The following ESYT3 variants were observed in gnomAD, a reference collection of about 807,000 sequenced individuals.
ESYT3 encodes extended synaptotagmin 3, also known as extended synaptotagmin-3.
ESYT3 carries 101 observed loss-of-function variants against 111.5 expected under a neutral mutation model. The observed-to-expected ratio is 0.91, with a 90% confidence interval of 0.77 to 1.07. ESYT3 has a LOEUF of 1.07. Ranked by LOEUF, ESYT3 falls within the 50% of genes least tolerant of loss-of-function variation. ESYT3 has a pLI of 0.00. For missense variants in ESYT3, 1,097 were observed against 1,109.4 expected (o/e 0.99, Z 0.16); for synonymous variants, 416 against 446.8 (o/e 0.93, Z 0.87).
chr3:138,461,018 G>A (rs532717298), intron 7 of ESYT3, among the ~76,000 whole-genome samples: 12 of 152,190 alleles, frequency 7.9e-5, no homozygotes, highest in Non-Finnish European at 1.5e-4. Flanking sequence ...AGGCTGTGTG[G>A]CTCTGGAACC....
intron 3 of ESYT3, 106 bp downstream of exon 3, chr3:138,455,434 A>G (rs1167304927): frequency 1.5e-6 from 2 of 1,304,250 alleles, no homozygotes; most frequent in Non-Finnish European, 2.1e-6. Context: ...GACTGCAGAG[A>G]TCCCACTGGA....
chr3:138,481,146 A>C (rs2108637448), downstream of ESYT3: 1 of 152,364 alleles, frequency 6.6e-6, no homozygotes, highest in Middle Eastern at 3.4e-3. Flanking sequence ...TAGGAGAATA[A>C]TTTCACAACT....
chr3:138,442,639 C>T (rs770795781), intron 1 of ESYT3, among the ~76,000 whole-genome samples: 60 of 152,188 alleles, frequency 3.9e-4, no homozygotes, highest in Admixed American at 2.9e-3. Flanking sequence ...TTGTAACTTA[C>T]GTATTTTTAT....
intron 1 of ESYT3, among the ~76,000 whole-genome samples, chr3:138,436,004 G>A (rs1031132085): frequency 2.0e-5 from 3 of 152,118 alleles, no homozygotes; most frequent in Non-Finnish European, 4.4e-5. Flanking sequence ...TCAGGCCCAC[G>A]GGGGAGGTCG....
intron 11 of ESYT3, 29 bp downstream of exon 11, chr3:138,467,638 G>T (rs1032540925): frequency 6.2e-7 from 1 of 1,611,732 alleles, no homozygotes. Flanking sequence ...ACCCTCGGGG[G>T]AGTTTCAAGG....
At chr3:138,466,331 GAAACA>G (rs1407738512) in intron 10 of ESYT3, among the ~76,000 whole-genome samples, 1 of 152,160 alleles carries the variant, frequency 6.6e-6, no homozygotes, top group Non-Finnish European at 1.5e-5. Context: ...TTGAAAAGTA[GAAACA>G]AAACAAACTG....
rs369600772 is a variant in ESYT3, at chr3:138,472,613, C to T, written c.1991C>T (p.Pro664Leu). 6.2e-7 allele frequency: 1 copy of T among 1,614,218 alleles called. No individual in the cohort carries two copies. The highest frequency in any genetic ancestry group is 8.5e-7 in the Non-Finnish European group (1 of 1,180,036). ...GAGCCCACATCCCAAGAGACAGGCCCAGAGCCTAAAGGCAAGGACAGTGCC... is the reference window on the plus strand; with the variant it reads ...GAGCCCACATCCCAAGAGACAGGCCTAGAGCCTAAAGGCAAGGACAGTGCC... ...ATEPTSQETG[P>L]EPKGKDSAKR... Residue 664 changes from proline to leucine, a missense_variant, in exon 18 of 23, where the codon CCA becomes CTA. Transcript: ENST00000389567.
chr3:138,476,488 C>T lies in ESYT3; in HGVS notation c.2620C>T (p.Gln874Ter). Residue 874 changes from glutamine (Q) to a stop codon, truncating the protein, a stop_gained, in exon 22 of 23, where the codon CAA becomes TAA. Transcript: ENST00000389567. LOFTEE classifies it high-confidence loss of function. ...AGAAGATCTGATTAAGGGCTTTTCA[C>T]AATGGTAAGTGTGCCCTTTCATTTT... ...SKEDLIKGFS[Q>*]WYELTPNGQP... The T allele has an allele frequency of 6.2e-7, 1 of 1,613,380 alleles. No individual in the cohort carries two copies. The highest frequency in any genetic ancestry group is 8.5e-7 in the Non-Finnish European group (1 of 1,179,884).
At chr3:138,469,853 G>A (rs186508194) in intron 15 of ESYT3, among the ~76,000 whole-genome samples, 353 of 152,170 alleles carry the variant, frequency 2.3e-3, no homozygotes, top group Admixed American at 4.1e-3. Context: ...CAGCTCCCCC[G>A]TAAAAATTCC....
intron 22 of ESYT3, 99 bp from the exon 23 acceptor site, chr3:138,476,719 G>A (rs2033500825): frequency 7.9e-7 from 1 of 1,263,394 alleles, no homozygotes. Context: ...GGTTCTGCTG[G>A]TCTTACAGAG....
At position 138,475,914 on chromosome 3, in the gene ESYT3, A is replaced by C. The variant is rs138868736; in HGVS notation, c.2469-309A>C. Among the ~76,000 whole-genome samples the C allele has an allele frequency of 7.5e-3, 1,136 of 152,334 alleles. 18 individuals carry two copies. Among genetic ancestry groups the C allele is most frequent in the African/African-American group, 0.027 (1,104 of 41,580 alleles). ...GCACTCCAGCCTGGGCGACAGAGCGAAACTCCGTCTCAAAAAGAAGAGTGG... is the reference window on the plus strand; with the variant it reads ...GCACTCCAGCCTGGGCGACAGAGCGCAACTCCGTCTCAAAAAGAAGAGTGG... On this transcript the variant is annotated intron_variant, in intron 20 of 22. Coordinates refer to ENST00000389567, the MANE Select transcript of ESYT3 (RefSeq NM_031913.5).
In ESYT3 at chr3:138,476,798, C is replaced by T. The variant is rs200296920; in HGVS notation, c.2625-20C>T. The T allele has an allele frequency of 6.1e-5, 99 of 1,613,022 alleles. 1 individual carries two copies. In the African/African-American group the frequency reaches 1.2e-3, roughly 20 times the overall value. On this transcript the variant is annotated intron_variant, in intron 22 of 22. Coordinates refer to ENST00000389567, the MANE Select transcript of ESYT3 (RefSeq NM_031913.5). Reference sequence around the variant, plus strand: ...ACACTGTCATTACTAACGTTAAGTCCAAACGTAACTGTCTTACAGGTATGA... The same window carrying T: ...ACACTGTCATTACTAACGTTAAGTCTAAACGTAACTGTCTTACAGGTATGA...
rs1330686757 is a variant in ESYT3, at chr3:138,479,503, C to G, written c.*2649C>G. The G allele has an allele frequency of 6.6e-6, 1 of 152,230 alleles. No individual in the cohort carries two copies. Among genetic ancestry groups the G allele is most frequent in the Non-Finnish European group, 1.5e-5 (1 of 68,046 alleles). The allele number at this position is 152,230 out of a possible 1,614,324, so 9.4% of individuals were successfully genotyped here. A position where few individuals can be genotyped will look rare whatever the true frequency, so the allele number is the denominator to read the frequency against. On this transcript the variant is annotated 3_prime_UTR_variant, in exon 23 of 23. Transcript: ENST00000389567. ...ACGTCTGTCTCCTTTGCTGCTTTCC[C>G]GGCAGGCTGATGTTTGGCTTTGCCA...
At chr3:138,439,344 G>A (rs2030968562) in intron 1 of ESYT3, among the ~76,000 whole-genome samples, 1 of 152,140 alleles carries the variant, frequency 6.6e-6, no homozygotes, top group Non-Finnish European at 1.5e-5. Context: ...GACGCGCAGA[G>A]CACTTCTGTG....
chr3:138,473,883 G>T (rs984022865), intron 19 of ESYT3, among the ~76,000 whole-genome samples: 2 of 152,202 alleles, frequency 1.3e-5, no homozygotes, highest in African/African-American at 4.8e-5. Context: ...CTGCAAGACT[G>T]TCTGGAGTGG....
At chr3:138,476,736 G>T in intron 22 of ESYT3, 82 bp from the exon 23 acceptor site, 1 of 1,378,060 alleles carries the variant, frequency 7.3e-7, no homozygotes, top group African/African-American at 1.4e-5. Flanking sequence ...AGAGGCCCAG[G>T]CAGGCAGGAC....
chr3:138,440,334 G>A lies in ESYT3; in HGVS notation c.327+5209G>A, dbSNP rs547749266. Among the ~76,000 whole-genome samples, 1 of 152,386 alleles carries A rather than the reference G, an allele frequency of 6.6e-6. No homozygotes were observed. The highest frequency in any genetic ancestry group is 6.5e-5 in the Admixed American group (1 of 15,304). ...CCACTCAGGCAGACAGCCAAGGGCT[G>A]AGTGCTTTGCTTACCTAGTGCTGAG... On this transcript the variant is annotated intron_variant, in intron 1 of 22. Transcript: ENST00000389567. The surrounding 1 kb of genome is among the most constrained non-coding windows in gnomAD (Gnocchi z 4.2).
chr3:138,474,069 C>A (rs2033369232), intron 19 of ESYT3, 152 bp from the exon 20 acceptor site: 1 of 1,008,506 alleles, frequency 9.9e-7, no homozygotes, highest in South Asian at 1.6e-5. Flanking sequence ...GCATTTTTAT[C>A]CTTAAGCGTA....
chr3:138,435,050 C>T lies in ESYT3; in HGVS notation c.252C>T (p.Ala84=), dbSNP rs2030537572. ...RNRRGKLGRL[A]AAFEFLDNER... ...GCCGCGGGAAGCTTGGGCGCCTGGCCGCCGCCTTCGAATTCCTTGACAATG... is the reference window on the plus strand; with the variant it reads ...GCCGCGGGAAGCTTGGGCGCCTGGCTGCCGCCTTCGAATTCCTTGACAATG... Residue 84 remains alanine, a synonymous_variant, in exon 1 of 23, where the codon GCC becomes GCT. Coordinates refer to ENST00000389567, the MANE Select transcript of ESYT3 (RefSeq NM_031913.5). The surrounding 1 kb of genome is among the most constrained non-coding windows in gnomAD (Gnocchi z 4.8). 3 of 1,589,686 alleles carry T rather than the reference C, an allele frequency of 1.9e-6. No individual in the cohort carries two copies. The African/African-American group carries it at 4.0e-5, about 21-fold the overall frequency.
Sources: allele counts gnomAD v4.1 joint callset (sites outside exome capture counted in the v4.1 genomes callset), GRCh38; gene constraint gnomAD v4.1.1; non-coding constraint Gnocchi (gnomAD v3.1); transcripts MANE v1.5; gene names NCBI Gene and HGNC (gene_info 2026-07-23, HGNC 2026-07-21).